The following PLEKHM3 variants were observed in gnomAD, a reference collection of about 807,000 sequenced individuals.
PLEKHM3 encodes the protein pleckstrin homology domain containing M3.
A neutral mutation model predicts 81.8 loss-of-function variants in PLEKHM3; 45 were observed. The ratio of observed to expected loss-of-function variants is 0.55; its 90% confidence interval spans 0.43 to 0.71. The LOEUF is 0.71. Ranked by LOEUF, PLEKHM3 falls within the 30% of genes least tolerant of loss-of-function variation. PLEKHM3 has a pLI of 0.00. For synonymous variants in PLEKHM3, 352 were observed against 356.4 expected (o/e 0.99, Z 0.14); for missense variants, 788 against 924.3 (o/e 0.85, Z 1.91).
chr2:207,866,888 T>A (rs981351756), intron 6 of PLEKHM3, among the ~76,000 whole-genome samples: 1 of 152,200 alleles, frequency 6.6e-6, no homozygotes, highest in South Asian at 2.1e-4. Flanking sequence ...CAGAACTTGA[T>A]GCTGTTTTGT....
intron 1 of PLEKHM3, among the ~76,000 whole-genome samples, chr2:208,006,660 T>G (rs1692503454): frequency 6.6e-6 from 1 of 152,216 alleles, no homozygotes; most frequent in African/African-American, 2.4e-5. Context: ...AACAACCAAG[T>G]GTTCCTCATC....
intron 1 of PLEKHM3, among the ~76,000 whole-genome samples, chr2:208,017,412 T>C (rs1692958544): frequency 6.6e-6 from 1 of 152,120 alleles, no homozygotes. Flanking sequence ...AGCTTTGAAA[T>C]AAGGTTTTAA....
chr2:207,898,956 T>G (rs1473151509), intron 6 of PLEKHM3, among the ~76,000 whole-genome samples: 1 of 152,148 alleles, frequency 6.6e-6, no homozygotes, highest in Non-Finnish European at 1.5e-5. Flanking sequence ...TGTTGATGGT[T>G]CACTAGGCTT....
At chr2:207,947,678 T>TG (rs1690180648) in intron 3 of PLEKHM3, among the ~76,000 whole-genome samples, 1 of 152,162 alleles carries the variant, frequency 6.6e-6, no homozygotes, top group Admixed American at 6.5e-5. Flanking sequence ...TTTCATGAAG[T>TG]GGGGCAAAAA....
intron 1 of PLEKHM3, among the ~76,000 whole-genome samples, chr2:208,011,075 A>C (rs35783007): frequency 9.5e-5 from 14 of 147,924 alleles, no homozygotes; most frequent in South Asian, 4.1e-4. Context: ...AAAAAAAAAA[A>C]AAAAAAAACA....
intron 5 of PLEKHM3, among the ~76,000 whole-genome samples, chr2:207,929,151 T>C (rs550700286): frequency 1.2e-4 from 18 of 152,218 alleles, no homozygotes; most frequent in African/African-American, 4.1e-4. Flanking sequence ...AAGAAAAATA[T>C]AGGGAAAAGG....
rs1407568117 is a variant in PLEKHM3 at position 207,823,488 on chromosome 2, GA to G, written c.*4830del. ...AGCTAATTTTTGTATTTTTAGTAAA[GA>G]GGGGGGTTTCACCATGTTGGCCAGG... is the stretch of plus-strand genomic sequence containing the variant. On this transcript the variant is annotated 3_prime_UTR_variant, in exon 8 of 8. Coordinates refer to ENST00000427836, the MANE Select transcript of PLEKHM3 (RefSeq NM_001080475.3). 1 of 152,202 alleles carries G rather than the reference GA, an allele frequency of 6.6e-6. No homozygotes were observed. 9.4% of individuals were successfully genotyped at this position (152,202 alleles called of 1,614,324 possible). A position where few individuals can be genotyped will look rare whatever the true frequency, so the allele number is the denominator to read the frequency against.
chr2:207,896,413 TCCCTAC>T (rs1688224503), intron 6 of PLEKHM3, among the ~76,000 whole-genome samples: 2 of 152,092 alleles, frequency 1.3e-5, no homozygotes, highest in Non-Finnish European at 2.9e-5. Context: ...TGGAAAATAA[TCCCTAC>T]CCGGGTTAAG....
intron 6 of PLEKHM3, among the ~76,000 whole-genome samples, chr2:207,875,688 C>T (rs902795891): frequency 6.6e-6 from 1 of 152,100 alleles, no homozygotes; most frequent in African/African-American, 2.4e-5. Context: ...TTTAGCTGGG[C>T]GTGGTAGTGT....
At chr2:207,921,237 C>T (rs1203476072) in intron 5 of PLEKHM3, among the ~76,000 whole-genome samples, 2 of 151,934 alleles carry the variant, frequency 1.3e-5, no homozygotes, top group South Asian at 2.1e-4. Flanking sequence ...TTCGCAGAGA[C>T]GGGGTTTCAC....
intron 6 of PLEKHM3, among the ~76,000 whole-genome samples, chr2:207,877,695 G>A (rs903266705): frequency 2.0e-5 from 3 of 152,154 alleles, no homozygotes; most frequent in Non-Finnish European, 4.4e-5. Flanking sequence ...ATAAGGTAAA[G>A]TGCATAAATG....
In PLEKHM3 at chr2:208,016,695, A is replaced by C. The variant is rs898035312; in HGVS notation, c.-319+8694T>G. On this transcript the variant is annotated intron_variant, in intron 1 of 7. Coordinates refer to ENST00000427836, the MANE Select transcript of PLEKHM3 (RefSeq NM_001080475.3). ...TACACACACACACACACACACACACACCCTGGTTTCATATTACCATACTAC... is the reference window on the plus strand; with the variant it reads ...TACACACACACACACACACACACACCCCCTGGTTTCATATTACCATACTAC... 4.1e-5 allele frequency among the ~76,000 whole-genome samples: 6 copies of C among 147,916 alleles called. No homozygotes were observed. The East Asian group carries it at 5.9e-4, about 15-fold the overall frequency.
intron 3 of PLEKHM3, among the ~76,000 whole-genome samples, chr2:207,959,191 T>C (rs1479845770): frequency 6.6e-6 from 1 of 152,210 alleles, no homozygotes; most frequent in Non-Finnish European, 1.5e-5. Flanking sequence ...TCTCTCACCT[T>C]ACCCTAGTCC....
In PLEKHM3 at chr2:207,908,497, C is replaced by A. The variant is rs759970036; in HGVS notation, c.1950+17G>T. On this transcript the variant is annotated intron_variant, in intron 6 of 7. Transcript: ENST00000427836. ...CAGGAAAGCAACAAAAATGAAACAGCCCCTCTGAGCACTTACCTGCTGCAG... is the reference window on the plus strand; with the variant it reads ...CAGGAAAGCAACAAAAATGAAACAGACCCTCTGAGCACTTACCTGCTGCAG... The A allele has an allele frequency of 1.2e-6, 2 of 1,602,668 alleles. No homozygotes were observed. The highest frequency in any genetic ancestry group is 2.3e-5 in the East Asian group (1 of 44,264).
At chr2:207,938,337 G>A (rs187148860) in intron 4 of PLEKHM3, among the ~76,000 whole-genome samples, 2 of 152,134 alleles carry the variant, frequency 1.3e-5, no homozygotes, top group Admixed American at 6.6e-5. Context: ...GAAAATAGAC[G>A]AAATCCTGCT....
intron 3 of PLEKHM3, among the ~76,000 whole-genome samples, chr2:207,948,883 T>A (rs911033422): frequency 4.6e-5 from 7 of 152,146 alleles, no homozygotes; most frequent in Non-Finnish European, 8.8e-5. Context: ...TTCGCTATGT[T>A]GGCCAGGCTG....
chr2:207,833,496 T>G (rs1392677242), intron 7 of PLEKHM3, among the ~76,000 whole-genome samples: 2 of 150,370 alleles, frequency 1.3e-5, no homozygotes, highest in Non-Finnish European at 3.0e-5. Context: ...GTTTTTCTGT[T>G]TTTTTTTTTC....
chr2:207,916,935 T>C (rs1689011519), intron 5 of PLEKHM3, among the ~76,000 whole-genome samples: 2 of 152,208 alleles, frequency 1.3e-5, no homozygotes, highest in African/African-American at 4.8e-5. Context: ...ATCTGTTTAG[T>C]CATGAATGAC....
At chr2:207,893,752 A>G (rs1688136411) in intron 6 of PLEKHM3, among the ~76,000 whole-genome samples, 1 of 152,120 alleles carries the variant, frequency 6.6e-6, no homozygotes, top group Admixed American at 6.5e-5. Flanking sequence ...AAAACCACAC[A>G]CTGACACAGG....
Sources: gnomAD v4.1 joint callset for allele counts (sites outside exome capture counted in the v4.1 genomes callset) on GRCh38, gnomAD v4.1.1 for gene constraint, MANE v1.5 for transcripts, NCBI Gene and HGNC (gene_info 2026-07-23, HGNC 2026-07-21) for gene names.